Variants in DENND2B observed in about 807,000 individuals in gnomAD.
DENND2B encodes DENN domain-containing protein 2B.
DENND2B carries 32 observed loss-of-function variants against 116.0 expected under a neutral mutation model. That is an observed-to-expected ratio of 0.28 (90% confidence interval 0.21 to 0.37). The LOEUF is 0.37. Ranked by LOEUF, DENND2B falls within the 10% of genes least tolerant of loss-of-function variation. The pLI, the probability that DENND2B is intolerant of heterozygous loss-of-function variation, is 1.00. For missense variants in DENND2B, 1,276 were observed against 1,477.7 expected, an observed-to-expected ratio of 0.86 and a Z score of 2.24; for synonymous variants, 588 against 583.9, an observed-to-expected ratio of 1.01 and a Z score of -0.10.
chr11:8,694,307 G>A lies in DENND2B; in HGVS notation c.3380-177C>T, dbSNP rs189337468. ...ACGTGAGAGCTCTAATTAGGGCACC[G>A]GTATTAATCACTGTGTGGTTTTACG... On this transcript the variant is annotated intron_variant, in intron 19 of 19. Coordinates refer to ENST00000313726, the MANE Select transcript of DENND2B (RefSeq NM_213618.2). 1.3e-4 allele frequency among the ~76,000 whole-genome samples: 20 copies of A among 152,274 alleles called. No individual in the cohort carries two copies. In the East Asian group the frequency reaches 2.1e-3, roughly 16 times the overall value.
At chr11:8,840,190 A>C (rs2062577639) in intron 3 of DENND2B, among the ~76,000 whole-genome samples, 1 of 152,038 alleles carries the variant, frequency 6.6e-6, no homozygotes, top group Non-Finnish European at 1.5e-5. Context: ...CAACACACAC[A>C]CTTCCCCCAG....
At chr11:8,801,906 C>T (rs60298595) in intron 1 of DENND2B, among the ~76,000 whole-genome samples, 1 of 146,552 alleles carries the variant, frequency 6.8e-6, no homozygotes, top group East Asian at 2.1e-4. Context: ...GTGGGAGGAT[C>T]GCTTGAGCCA....
chr11:8,787,480 C>CTGGCATT (rs1329722160), intron 1 of DENND2B, among the ~76,000 whole-genome samples: 1 of 152,154 alleles, frequency 6.6e-6, no homozygotes, highest in African/African-American at 2.4e-5. Flanking sequence ...CAGGCCAGAA[C>CTGGCATT]TGGCATTTCT....
At chr11:8,878,770 G>A (rs2063871573) in intron 2 of DENND2B, among the ~76,000 whole-genome samples, 2 of 152,174 alleles carry the variant, frequency 1.3e-5, no homozygotes, top group Non-Finnish European at 2.9e-5. Context: ...TGCAATGTGA[G>A]TGAGACTTGA....
intron 5 of DENND2B, 53 bp downstream of exon 5, chr11:8,717,684 AGGCC>A: frequency 1.4e-6 from 2 of 1,475,338 alleles, no homozygotes; most frequent in Non-Finnish European, 1.8e-6. Context: ...TTGGAAGAGC[AGGCC>A]CCCACTGTGG....
chr11:8,726,331 C>G (rs1036849766), intron 3 of DENND2B, 122 bp from the exon 4 acceptor site: 1 of 1,330,570 alleles, frequency 7.5e-7, no homozygotes, highest in African/African-American at 1.5e-5. Flanking sequence ...TCTGAAAGAG[C>G]ATCAAGGTGG....
intron 1 of DENND2B, among the ~76,000 whole-genome samples, chr11:8,806,040 C>T (rs2060805631): frequency 6.6e-6 from 1 of 152,156 alleles, no homozygotes; most frequent in Admixed American, 6.5e-5. Context: ...GTCTGGCCTT[C>T]TGCTAAATTG....
intron 1 of DENND2B, among the ~76,000 whole-genome samples, chr11:8,796,327 A>C (rs2059810259): frequency 6.6e-6 from 1 of 152,216 alleles, no homozygotes; most frequent in South Asian, 2.1e-4. Context: ...AGATCACCTG[A>C]GGTCAGGAGT....
At chr11:8,810,153 T>C (rs895052364) in intron 1 of DENND2B, 1 of 150,264 alleles carries the variant, frequency 6.7e-6, no homozygotes, top group African/African-American at 2.5e-5. Flanking sequence ...GGCACTGGAG[T>C]TTCCCTGTAA....
chr11:8,895,599 T>C (rs1050586836), intron 1 of DENND2B: 3 of 152,012 alleles, frequency 2.0e-5, no homozygotes, highest in Non-Finnish European at 4.4e-5. Context: ...TAGGGAAGAA[T>C]AGACAATTAT....
intron 3 of DENND2B, among the ~76,000 whole-genome samples, chr11:8,856,016 G>A (rs774828314): frequency 1.1e-4 from 17 of 152,140 alleles, no homozygotes; most frequent in Non-Finnish European, 2.4e-4. Flanking sequence ...AACATATGTT[G>A]CCTGTTACAC....
chr11:8,882,361 C>G (rs1008936335), intron 1 of DENND2B, among the ~76,000 whole-genome samples: 2 of 152,216 alleles, frequency 1.3e-5, no homozygotes, highest in East Asian at 1.9e-4. Flanking sequence ...ATGGATTACT[C>G]TCTCCCTTGG....
Position 8,776,158 on chromosome 11 carries a change from GCGCA to G in DENND2B, c.-25-25437_-25-25434del, listed in dbSNP as rs2057665914. ...CACGCACGTGCGCGCACGCGCGCGC[GCGCA>G]CACACACACACACACACACACACAC... On this transcript the variant is annotated intron_variant, in intron 1 of 19. Transcript: ENST00000313726. 148 of 338,556 alleles carry G rather than the reference GCGCA, an allele frequency of 4.4e-4. 1 individual carries two copies. Among genetic ancestry groups the G allele is most frequent in the Middle Eastern group, 1.2e-3 (2 of 1,720 alleles). The allele number at this position is 338,556 out of a possible 1,614,324, so 21.0% of individuals were successfully genotyped here.
At chr11:8,735,491 G>A (rs1302148881) in intron 2 of DENND2B, among the ~76,000 whole-genome samples, 5 of 152,228 alleles carry the variant, frequency 3.3e-5, no homozygotes, top group South Asian at 2.1e-4. Context: ...TTTGCTCCAC[G>A]GCAGCAGTAA....
chr11:8,854,332 G>C (rs1162966930), intron 3 of DENND2B, among the ~76,000 whole-genome samples: 1 of 151,932 alleles, frequency 6.6e-6, no homozygotes, highest in Non-Finnish European at 1.5e-5. Context: ...CTCCCAAGTA[G>C]CTGAGATTAC....
intron 1 of DENND2B, among the ~76,000 whole-genome samples, chr11:8,755,535 A>T (rs769370902): frequency 6.6e-6 from 1 of 152,216 alleles, no homozygotes; most frequent in Non-Finnish European, 1.5e-5. Flanking sequence ...GGGGATGATT[A>T]GCTGATGGTG....
At position 8,823,349 on chromosome 11, in the gene DENND2B, A is replaced by G. The variant is rs367935694; in HGVS notation, c.-114-12014T>C. ...AGTGCTATGAAATGAATCTGCATCAACCAGGAAGAGGAGCTCTGGAACTCC... is the reference window on the plus strand; with the variant it reads ...AGTGCTATGAAATGAATCTGCATCAGCCAGGAAGAGGAGCTCTGGAACTCC... On this transcript the variant is annotated intron_variant, in intron 4 of 6. Transcript: ENST00000524757. 3.3e-5 allele frequency among the ~76,000 whole-genome samples: 5 copies of G among 152,336 alleles called. No homozygotes were observed. The East Asian group carries it at 9.6e-4, about 29-fold the overall frequency.
At chr11:8,884,353 G>A (rs879030755) in intron 1 of DENND2B, among the ~76,000 whole-genome samples, 2 of 150,726 alleles carry the variant, frequency 1.3e-5, no homozygotes, top group Admixed American at 1.3e-4. Context: ...GTTTTTTTGA[G>A]ACAGGATCTG....
Position 8,804,544 on chromosome 11 carries a change from C to CT in DENND2B, c.-26+5972dup, listed in dbSNP as rs1555200406. ...TGAACGAGATGCAAAATAGCAGCTA[C>CT]TTCTTTTTTTTTTTTTTTGAGACGA... On this transcript the variant is annotated intron_variant, in intron 1 of 19. Coordinates refer to ENST00000313726, the MANE Select transcript of DENND2B (RefSeq NM_213618.2). 2.4e-4 allele frequency among the ~76,000 whole-genome samples: 6 copies of CT among 25,346 alleles called. No homozygotes were observed. The East Asian group carries it at 0.011, about 45-fold the overall frequency. The allele number at this position is 25,346 out of a possible 152,430, so 16.6% of individuals were successfully genotyped here.
Sources: gnomAD v4.1 joint callset for allele counts (sites outside exome capture counted in the v4.1 genomes callset) on GRCh38, gnomAD v4.1.1 for gene constraint, MANE v1.5 for transcripts, NCBI Gene and HGNC (gene_info 2026-07-23, HGNC 2026-07-21) for gene names.